AFG2A: variants seen among roughly 807,000 people sequenced by gnomAD.
AFG2A encodes ATPase family gene 2 protein homolog A.
chr4:122,994,324 C>A, the AFG2A span, among the ~76,000 whole-genome samples: 2 of 152,136 alleles, frequency 1.3e-5, no homozygotes, highest in East Asian at 3.9e-4. Flanking sequence ...CTTTTATCTA[C>A]TATTAAAAAT....
At chr4:122,938,391 T>A in the AFG2A span, 1 of 1,009,370 alleles carries the variant, frequency 9.9e-7, no homozygotes, top group Non-Finnish European at 1.3e-6. Context: ...AGGGGAAAGA[T>A]CTGTAAAATA....
chr4:123,213,973 C>T, the AFG2A span, among the ~76,000 whole-genome samples: 1 of 152,098 alleles, frequency 6.6e-6, no homozygotes, highest in African/African-American at 2.4e-5. Flanking sequence ...CAGTCTAACT[C>T]AGTTTAGTCC....
At chr4:123,208,349 G>C in the AFG2A span, among the ~76,000 whole-genome samples, 1 of 152,132 alleles carries the variant, frequency 6.6e-6, no homozygotes, top group Admixed American at 6.5e-5. Flanking sequence ...GGAAATCATG[G>C]GGTAGGGATC....
At chr4:123,232,748 T>G in the AFG2A span, among the ~76,000 whole-genome samples, 1 of 151,986 alleles carries the variant, frequency 6.6e-6, no homozygotes. Flanking sequence ...CATTGGGGGA[T>G]GATTGCAGTG....
At chr4:123,241,445 A>G in the AFG2A span, among the ~76,000 whole-genome samples, 2 of 152,236 alleles carry the variant, frequency 1.3e-5, no homozygotes, top group Non-Finnish European at 2.9e-5. Context: ...TGATCAAGTC[A>G]GCTTCATCCC....
the AFG2A span, among the ~76,000 whole-genome samples, chr4:123,210,737 A>G: frequency 6.6e-6 from 1 of 152,048 alleles, no homozygotes; most frequent in Non-Finnish European, 1.5e-5. Flanking sequence ...CATAATAGTT[A>G]TATTTTTTAT....
the AFG2A span, among the ~76,000 whole-genome samples, chr4:123,250,791 C>T: frequency 2.6e-5 from 4 of 152,086 alleles, no homozygotes; most frequent in African/African-American, 9.7e-5. Flanking sequence ...TATTAGAAAG[C>T]CTTGGCTTCT....
the AFG2A span, among the ~76,000 whole-genome samples, chr4:123,068,344 G>C: frequency 1.3e-5 from 2 of 152,148 alleles, no homozygotes; most frequent in African/African-American, 4.8e-5. Context: ...AAAGAGCAAA[G>C]GCCGTATGGG....
the AFG2A span, among the ~76,000 whole-genome samples, chr4:123,196,596 T>C: frequency 6.6e-6 from 1 of 152,178 alleles, no homozygotes; most frequent in Non-Finnish European, 1.5e-5. Flanking sequence ...GGTGCATGTT[T>C]GAGGAATTTC....
At chr4:123,081,575 A>C in the AFG2A span, among the ~76,000 whole-genome samples, 1 of 152,228 alleles carries the variant, frequency 6.6e-6, no homozygotes, top group Non-Finnish European at 1.5e-5. Context: ...GAAGACTGTG[A>C]ATAAAGCTTC....
chr4:123,031,384 C>A, the AFG2A span, among the ~76,000 whole-genome samples: 1 of 152,162 alleles, frequency 6.6e-6, no homozygotes, highest in East Asian at 1.9e-4. Flanking sequence ...AACTCCTGAG[C>A]TCAGGCAATT....
chr4:122,982,845 T>C, the AFG2A span, among the ~76,000 whole-genome samples: 1 of 150,938 alleles, frequency 6.6e-6, no homozygotes, highest in Non-Finnish European at 1.5e-5. Context: ...TTTCTCAGTT[T>C]ATTTACTTTA....
the AFG2A span, among the ~76,000 whole-genome samples, chr4:123,042,149 GTCTTA>G: frequency 2.0e-5 from 3 of 152,238 alleles, no homozygotes; most frequent in South Asian, 6.2e-4. Flanking sequence ...GAAGGTAATT[GTCTTA>G]TTTCAGGCTG....
the AFG2A span, among the ~76,000 whole-genome samples, chr4:123,115,603 C>T: frequency 1.3e-5 from 2 of 152,108 alleles, no homozygotes; most frequent in Non-Finnish European, 2.9e-5. Flanking sequence ...GCAGGTAGGT[C>T]AGCCCGGCCC....
chr4:123,311,946 G>A, the AFG2A span, among the ~76,000 whole-genome samples: 2 of 152,136 alleles, frequency 1.3e-5, no homozygotes, highest in Non-Finnish European at 2.9e-5. Flanking sequence ...CGCCCATCTC[G>A]CCATGTGAAT....
chr4:123,174,123 T>C, the AFG2A span, among the ~76,000 whole-genome samples: 1 of 152,208 alleles, frequency 6.6e-6, no homozygotes, highest in African/African-American at 2.4e-5. Flanking sequence ...ATACTGTCAA[T>C]AGTTTCAAGC....
At chr4:123,091,957 A>G in the AFG2A span, among the ~76,000 whole-genome samples, 1 of 152,156 alleles carries the variant, frequency 6.6e-6, no homozygotes, top group South Asian at 2.1e-4. Context: ...TGTGATTTTT[A>G]AAAAAGACCC....
the AFG2A span, among the ~76,000 whole-genome samples, chr4:123,192,017 T>C: frequency 2.0e-5 from 3 of 152,048 alleles, no homozygotes; most frequent in African/African-American, 7.2e-5. Flanking sequence ...CAAAATCATA[T>C]AGTCTTTTCT....
the AFG2A span, among the ~76,000 whole-genome samples, chr4:123,176,342 C>A: frequency 6.6e-6 from 1 of 152,116 alleles, no homozygotes; most frequent in African/African-American, 2.4e-5. Context: ...CAGACCAGCT[C>A]ATGATAACAT....
Sources: allele counts gnomAD v4.1 joint callset (sites outside exome capture counted in the v4.1 genomes callset), GRCh38; gene constraint gnomAD v4.1.1; transcripts MANE v1.5; gene names NCBI Gene and HGNC (gene_info 2026-07-23, HGNC 2026-07-21).